Variants in EML6 observed in about 807,000 individuals in gnomAD.
The protein encoded by EML6 is echinoderm microtubule-associated protein-like 6.
A neutral mutation model predicts 240.1 loss-of-function variants in EML6; 154 were observed. The observed-to-expected ratio is 0.64, with a 90% CI of 0.56 to 0.73. The LOEUF (loss-of-function observed/expected upper bound fraction) is 0.73. EML6 is among the 30% of genes least tolerant of loss of function. The pLI, the probability that EML6 is intolerant of heterozygous loss-of-function variation, is 0.00. For synonymous variants in EML6, 1,148 were observed against 899.0 expected, an observed-to-expected ratio of 1.28 and a Z score of -4.95; for missense variants, 2,964 against 2,474.6, an observed-to-expected ratio of 1.20 and a Z score of -4.20.
chr2:54,859,390 T>C, intron 11 of EML6, 144 bp from the exon 12 acceptor site: 1 of 654,084 alleles, frequency 1.5e-6, no homozygotes, highest in Non-Finnish European at 2.5e-6. Context: ...AGCATTTGGT[T>C]ATTTGTTACA....
rs1324071161 is a variant in EML6 at position 54,892,481 on chromosome 2, C to T, written c.2567C>T (p.Thr856Ile). 1 of 1,551,176 alleles carries T rather than the reference C, an allele frequency of 6.4e-7. No individual in the cohort carries two copies. Among genetic ancestry groups the T allele is most frequent in the African/African-American group, 1.4e-5 (1 of 72,990 alleles). ...GGGGGCTTCACTTCTAAAAGAGGAA[C>T]TTTTGGAAGCGTTGGAAAATTGGAA... is the stretch of plus-strand genomic sequence containing the variant. ...AGGGFTSKRG[T>I]FGSVGKLETM... The change falls in exon 19 of 42, where the codon ACT becomes ATT. Residue 856 changes from threonine to isoleucine, a missense_variant. Coordinates refer to ENST00000356458, the MANE Select transcript of EML6 (RefSeq NM_001039753.4).
At chr2:54,911,570 T>C (rs1478518030) in intron 25 of EML6, among the ~76,000 whole-genome samples, 1 of 151,962 alleles carries the variant, frequency 6.6e-6, no homozygotes, top group Non-Finnish European at 1.5e-5. Context: ...GCTGGGATCA[T>C]AGGCATCTGC....
At chr2:54,896,627 C>G (rs1053843386) in intron 21 of EML6, among the ~76,000 whole-genome samples, 2 of 152,128 alleles carry the variant, frequency 1.3e-5, no homozygotes, top group African/African-American at 2.4e-5. Flanking sequence ...AGAAAATGCA[C>G]TGATCATATG....
At chr2:54,931,234 G>A (rs193272128) in intron 28 of EML6, among the ~76,000 whole-genome samples, 4 of 152,166 alleles carry the variant, frequency 2.6e-5, no homozygotes, top group Admixed American at 2.6e-4. Flanking sequence ...TGGGATTACA[G>A]GCGTGAGCCA....
intron 6 of EML6, among the ~76,000 whole-genome samples, chr2:54,828,056 C>T (rs1369488777): frequency 6.6e-6 from 1 of 152,288 alleles, no homozygotes; most frequent in African/African-American, 2.4e-5. Flanking sequence ...TTTAATGTGC[C>T]CATGAGTTTC....
chr2:54,879,218 T>A (rs1456732730), intron 16 of EML6, among the ~76,000 whole-genome samples: 1 of 152,232 alleles, frequency 6.6e-6, no homozygotes, highest in Non-Finnish European at 1.5e-5. Context: ...TCTAGCTCTG[T>A]GTCTCAGAAT....
intron 2 of EML6, among the ~76,000 whole-genome samples, chr2:54,808,316 T>A (rs1670603413): frequency 1.3e-5 from 2 of 152,184 alleles, no homozygotes; most frequent in Non-Finnish European, 2.9e-5. Context: ...TGCCTTTGCC[T>A]TTTCTGCCTT....
chr2:54,843,383 G>T (rs1572987538), intron 7 of EML6, among the ~76,000 whole-genome samples: 1 of 152,102 alleles, frequency 6.6e-6, no homozygotes, highest in South Asian at 2.1e-4. Context: ...GAGCTACAGT[G>T]CTACCACACT....
intron 41 of EML6, among the ~76,000 whole-genome samples, chr2:54,969,294 A>T (rs541729349): frequency 1.3e-5 from 2 of 152,194 alleles, no homozygotes; most frequent in African/African-American, 4.8e-5. Context: ...ACTGGGTTCT[A>T]TTCAGCCCAA....
At chr2:54,823,455 A>C (rs912462080) in intron 5 of EML6, among the ~76,000 whole-genome samples, 2 of 49,028 alleles carry the variant, frequency 4.1e-5, no homozygotes, top group African/African-American at 1.4e-4. Context: ...AACCTATTCC[A>C]TAGTTTTTTT....
intron 25 of EML6, among the ~76,000 whole-genome samples, chr2:54,915,076 A>G (rs1255354869): frequency 2.6e-5 from 4 of 151,796 alleles, no homozygotes; most frequent in Admixed American, 6.6e-5. Flanking sequence ...TCCCTTGAGG[A>G]CTCTCCTTCC....
At chr2:54,892,753 G>T in intron 19 of EML6, 97 bp downstream of exon 19, 1 of 864,382 alleles carries the variant, frequency 1.2e-6, no homozygotes. Context: ...ATCTAAAACA[G>T]GCCTGTCTGA....
chr2:54,804,559 C>G (rs957367725), intron 2 of EML6, among the ~76,000 whole-genome samples: 1 of 152,194 alleles, frequency 6.6e-6, no homozygotes, highest in Non-Finnish European at 1.5e-5. Context: ...ACAACCCTGC[C>G]CACTTCCTGC....
chr2:54,874,291 T>C (rs1205981390), intron 16 of EML6, among the ~76,000 whole-genome samples: 1 of 152,184 alleles, frequency 6.6e-6, no homozygotes, highest in Non-Finnish European at 1.5e-5. Flanking sequence ...CTTAGAAACC[T>C]TTTTCCCATA....
In EML6 at chr2:54,900,016, A is replaced by G. The variant is rs188918063; in HGVS notation, c.3124+234A>G. ...ACTTCATTTTCCTTGCACTGCACAG[A>G]TATTTGCCACCTGGGGGCAATATGT... is the stretch of plus-strand genomic sequence containing the variant. On this transcript the variant is annotated intron_variant, in intron 22 of 41. Coordinates refer to ENST00000356458, the MANE Select transcript of EML6 (RefSeq NM_001039753.4). Among the ~76,000 whole-genome samples, 25 of 152,314 alleles carry G rather than the reference A, an allele frequency of 1.6e-4. No individual in the cohort carries two copies. The East Asian group carries it at 4.0e-3, about 25-fold the overall frequency.
chr2:54,811,259 TAGTC>T (rs981056921), intron 2 of EML6, among the ~76,000 whole-genome samples: 4 of 152,194 alleles, frequency 2.6e-5, no homozygotes, highest in Non-Finnish European at 4.4e-5. Flanking sequence ...CTGCTGAAAA[TAGTC>T]AGTGGTACCC....
intron 16 of EML6, among the ~76,000 whole-genome samples, chr2:54,871,952 A>G (rs1009588298): frequency 6.6e-6 from 1 of 152,216 alleles, no homozygotes; most frequent in Non-Finnish European, 1.5e-5. Context: ...ACTTAGTCGC[A>G]AATGTCTGGC....
intron 16 of EML6, among the ~76,000 whole-genome samples, 190 bp from the exon 17 acceptor site, chr2:54,879,357 A>G (rs1355134486): frequency 1.3e-5 from 2 of 152,192 alleles, no homozygotes; most frequent in Non-Finnish European, 2.9e-5. Context: ...ATAATTGTAC[A>G]TGTTTATAGA....
intron 32 of EML6, among the ~76,000 whole-genome samples, chr2:54,954,926 C>T (rs925004876): frequency 6.6e-6 from 1 of 152,222 alleles, no homozygotes; most frequent in South Asian, 2.1e-4. Context: ...TGTCACTTCT[C>T]CCATCCAGGG....
Sources: gnomAD v4.1 joint callset for allele counts (sites outside exome capture counted in the v4.1 genomes callset) on GRCh38, gnomAD v4.1.1 for gene constraint, MANE v1.5 for transcripts, NCBI Gene and HGNC (gene_info 2026-07-23, HGNC 2026-07-21) for gene names.